The following BCLAF3 variants were observed in gnomAD, a reference collection of about 807,000 sequenced individuals.
BCLAF3 encodes the protein transient octamer binding factor 1.
In BCLAF3, 24 loss-of-function variants were observed where a neutral mutation model predicts 51.2. The observed-to-expected ratio is 0.47, with a 90% CI of 0.34 to 0.66. The LOEUF is 0.66. Ranked by LOEUF, BCLAF3 falls within the 30% of genes least tolerant of loss-of-function variation. The pLI is 0.01. For synonymous variants in BCLAF3, 152 were observed against 176.6 expected, an observed-to-expected ratio of 0.86 and a Z score of 1.10; for missense variants, 465 against 525.1, an observed-to-expected ratio of 0.89 and a Z score of 1.12.
intron 8 of BCLAF3, among the ~76,000 whole-genome samples, chrX:19,939,436 T>C (rs938425219): frequency 8.0e-5 from 9 of 111,827 alleles, no homozygotes; most frequent in Non-Finnish European, 1.7e-4. Flanking sequence ...AAAAATACTT[T>C]GATTTTAAAA....
At chrX:19,933,426 C>T (rs1487061819) in intron 10 of BCLAF3, among the ~76,000 whole-genome samples, 6 of 111,862 alleles carry the variant, frequency 5.4e-5, no homozygotes, top group East Asian at 2.8e-4. Flanking sequence ...AAAACAAATG[C>T]GCAAATGATG....
Position 19,950,874 on chromosome X carries a change from G to A in BCLAF3, c.1630-6C>T, listed in dbSNP as rs748393566. The stretch of plus-strand genomic sequence containing the variant: ...TCTATTATTTTGATCAGAGTCTGAG[G>A]AATTTTGACAGAAGACAAACCATTC... On this transcript the variant is annotated splice_polypyrimidine_tract_variant and splice_region_variant and intron_variant, in intron 7 of 11. Coordinates refer to ENST00000379682, the MANE Select transcript of BCLAF3 (RefSeq NM_001367774.2). 1 of 1,140,728 alleles carries A rather than the reference G, an allele frequency of 8.8e-7. No individual in the cohort carries two copies. The highest frequency in any genetic ancestry group is 1.2e-6 in the Non-Finnish European group (1 of 832,419). 94.0% of individuals were successfully genotyped at this position (1,140,728 alleles called of 1,213,427 possible).
intron 8 of BCLAF3, among the ~76,000 whole-genome samples, chrX:19,941,268 T>C (rs1191919542): frequency 2.8e-5 from 3 of 107,057 alleles, no homozygotes; most frequent in Non-Finnish European, 3.8e-5. Flanking sequence ...AGAAGCTCTT[T>C]AGTTTAATTA....
chrX:19,978,242 C>T (rs1048299581), intron 1 of BCLAF3, among the ~76,000 whole-genome samples: 2 of 112,091 alleles, frequency 1.8e-5, no homozygotes, highest in South Asian at 3.7e-4. Flanking sequence ...AGTGATTCCT[C>T]TGATGGATCT....
intron 8 of BCLAF3, among the ~76,000 whole-genome samples, chrX:19,946,933 TA>T (rs1407305134): frequency 8.9e-6 from 1 of 112,484 alleles, no homozygotes; most frequent in Admixed American, 9.4e-5. Flanking sequence ...TCTTTGCTAT[TA>T]AATTTCCTCT....
intron 4 of BCLAF3, among the ~76,000 whole-genome samples, chrX:19,961,525 A>C (rs780141273): frequency 8.9e-6 from 1 of 112,507 alleles, no homozygotes; most frequent in East Asian, 2.8e-4. Flanking sequence ...AAAAAAGCAG[A>C]TAAACTCTCT....
intron 11 of BCLAF3, among the ~76,000 whole-genome samples, chrX:19,920,370 G>C (rs2070104127): frequency 9.0e-6 from 1 of 111,445 alleles, no homozygotes; most frequent in Non-Finnish European, 1.9e-5. Flanking sequence ...GCAAAACCTG[G>C]GGATGGTCTT....
intron 10 of BCLAF3, chrX:19,930,212 AAGGCAGG>A (rs1467870228): frequency 3.1e-5 from 6 of 192,288 alleles, no homozygotes; most frequent in Non-Finnish European, 1.9e-5. Context: ...TCAGGAGGCT[AAGGCAGG>A]AGAATTGCTT....
chrX:19,986,214 AGATGAAAGG>A (rs1466299682), intron 1 of BCLAF3, among the ~76,000 whole-genome samples: 2 of 112,089 alleles, frequency 1.8e-5, no homozygotes, highest in African/African-American at 6.5e-5. Context: ...TTGAAAACCC[AGATGAAAGG>A]GATAATTTGC....
intron 8 of BCLAF3, among the ~76,000 whole-genome samples, chrX:19,950,153 A>G (rs187755760): frequency 1.6e-4 from 18 of 112,313 alleles, no homozygotes; most frequent in African/African-American, 4.5e-4. Flanking sequence ...AAGAGGCTCC[A>G]GAGACTAAGC....
intron 4 of BCLAF3, among the ~76,000 whole-genome samples, chrX:19,957,967 G>C (rs1242744298): frequency 9.0e-6 from 1 of 111,346 alleles, no homozygotes; most frequent in Admixed American, 9.6e-5. Context: ...CTGTGGCATG[G>C]ATTGATTAAC....
At chrX:19,974,535 G>A (rs1430351139) in intron 1 of BCLAF3, among the ~76,000 whole-genome samples, 1 of 111,789 alleles carries the variant, frequency 8.9e-6, no homozygotes, top group Non-Finnish European at 1.9e-5. Flanking sequence ...GATAAAAGAA[G>A]TATTATTAAG....
chrX:19,936,841 T>C (rs921662069), intron 9 of BCLAF3, among the ~76,000 whole-genome samples: 16 of 110,676 alleles, frequency 1.4e-4, no homozygotes, highest in Non-Finnish European at 2.8e-4. Flanking sequence ...GGCATGAGGG[T>C]TCATATTGGG....
rs377085014 is a variant in BCLAF3 at position 19,928,232 on chromosome X, C to T, written c.2106+1553G>A. Among the ~76,000 whole-genome samples the T allele has an allele frequency of 4.5e-5, 5 of 110,263 alleles. No homozygotes were observed. In the East Asian group the frequency reaches 1.4e-3, roughly 32 times the overall value. Reference sequence around the variant, plus strand: ...CATGGTTAATTCAAACAAAATCAATCTACAACTAAAAGAGTATGCAATTCC... The same window carrying T: ...CATGGTTAATTCAAACAAAATCAATTTACAACTAAAAGAGTATGCAATTCC... On this transcript the variant is annotated intron_variant, in intron 11 of 11. Transcript: ENST00000379682.
intron 11 of BCLAF3, among the ~76,000 whole-genome samples, chrX:19,927,490 T>C (rs1311095624): frequency 2.7e-5 from 3 of 112,172 alleles, no homozygotes; most frequent in African/African-American, 9.7e-5. Flanking sequence ...TAAGAAAACA[T>C]TTATGATTAT....
chrX:19,935,190 A>G (rs1024830912), intron 10 of BCLAF3, among the ~76,000 whole-genome samples: 1 of 110,936 alleles, frequency 9.0e-6, no homozygotes, highest in African/African-American at 3.3e-5. Flanking sequence ...TCTCAAAAAA[A>G]AAAAAAAATG....
intron 1 of BCLAF3, among the ~76,000 whole-genome samples, chrX:19,974,115 C>G (rs1378716673): frequency 8.9e-6 from 1 of 111,772 alleles, no homozygotes; most frequent in Non-Finnish European, 1.9e-5. Flanking sequence ...ATCCAAGTCC[C>G]TCTGTATAGG....
intron 4 of BCLAF3, among the ~76,000 whole-genome samples, chrX:19,963,217 T>C (rs7888325): frequency 0.27 from 27,875 of 101,600 alleles, 4,733 homozygotes; most frequent in African/African-American, 0.59. Flanking sequence ...TCTCACTCTA[T>C]TGCCCAGGCT....
chrX:19,964,913 G>C, intron 4 of BCLAF3, 131 bp downstream of exon 4: 1 of 511,121 alleles, frequency 2.0e-6, no homozygotes, highest in East Asian at 4.3e-5. Context: ...CTTTTTTTTT[G>C]GGGGGGAAAA....
Sources: allele counts gnomAD v4.1 joint callset (sites outside exome capture counted in the v4.1 genomes callset), GRCh38; gene constraint gnomAD v4.1.1; transcripts MANE v1.5; gene names NCBI Gene and HGNC (gene_info 2026-07-23, HGNC 2026-07-21).